Variants in REPS1 observed in about 807,000 individuals in gnomAD.
REPS1 encodes ralBP1-associated Eps domain-containing protein 1.
Under a neutral mutation model 100.9 loss-of-function variants are expected in REPS1, and 39 were observed. That is an observed-to-expected ratio of 0.39 (90% confidence interval 0.30 to 0.50). The LOEUF (loss-of-function observed/expected upper bound fraction) is 0.50. Among genes scored for constraint, REPS1 ranks in the 20% least tolerant of loss-of-function variants. REPS1 has a pLI of 0.86. For synonymous variants in REPS1, 324 were observed against 340.3 expected (o/e 0.95, Z 0.53); for missense variants, 821 against 968.5 (o/e 0.85, Z 2.02).
chr6:138,953,086 C>T (rs915504787), intron 1 of REPS1, among the ~76,000 whole-genome samples: 5 of 152,104 alleles, frequency 3.3e-5, no homozygotes, highest in Admixed American at 6.6e-5. Context: ...ATCTGCCCGC[C>T]TCAGCCTCCC....
chr6:138,917,083 C>G (rs1209228222), intron 13 of REPS1, among the ~76,000 whole-genome samples: 1 of 152,152 alleles, frequency 6.6e-6, no homozygotes, highest in Non-Finnish European at 1.5e-5. Context: ...TGGTAAAGCC[C>G]TTGCAGACAA....
intron 1 of REPS1, among the ~76,000 whole-genome samples, chr6:138,983,718 T>C (rs573243670): frequency 7.3e-4 from 111 of 152,282 alleles, no homozygotes; most frequent in Admixed American, 1.8e-3. Context: ...GGTCCTGATA[T>C]GTATGTGCAT....
At chr6:138,916,629 A>G (rs1780418349) in intron 13 of REPS1, among the ~76,000 whole-genome samples, 1 of 152,210 alleles carries the variant, frequency 6.6e-6, no homozygotes, top group African/African-American at 2.4e-5. Context: ...ATAATTGTAT[A>G]AAGGAAAGTC....
At chr6:138,957,978 G>A (rs539978424) in intron 1 of REPS1, among the ~76,000 whole-genome samples, 6 of 152,244 alleles carry the variant, frequency 3.9e-5, no homozygotes, top group African/African-American at 1.4e-4. Context: ...CTAAGAAACC[G>A]AGTGGGAGAA....
At chr6:138,938,952 A>G (rs11961859) in intron 8 of REPS1, among the ~76,000 whole-genome samples, 13,296 of 151,554 alleles carry the variant, frequency 0.088, 1,217 homozygotes, top group African/African-American at 0.23. Context: ...GGTTCAAGCA[A>G]TTCTCCTGCC....
rs745760029 is a variant in REPS1 at position 138,914,778 on chromosome 6, GTTC to G, written c.1721-20_1721-18del. Reference sequence around the variant, plus strand: ...GTTGTTGTCCTGCATGAATACAAAAGTTCTTCTTTTTAGTAACTGTATAATCAC... The same window carrying G: ...GTTGTTGTCCTGCATGAATACAAAAGTTCTTTTTAGTAACTGTATAATCAC... On this transcript the variant is annotated intron_variant, in intron 14 of 19. Coordinates refer to ENST00000450536, the MANE Select transcript of REPS1 (RefSeq NM_001286611.2). The G allele has an allele frequency of 8.7e-6, 14 of 1,606,120 alleles. No homozygotes were observed. Among genetic ancestry groups the G allele is most frequent in the African/African-American group, 1.3e-5 (1 of 74,448 alleles).
At chr6:138,932,287 A>G (rs543606411) in intron 8 of REPS1, among the ~76,000 whole-genome samples, 1 of 119,338 alleles carries the variant, frequency 8.4e-6, no homozygotes, top group African/African-American at 3.0e-5. Context: ...TGTAGACCTC[A>G]AACTGTGGAC....
intron 7 of REPS1, 60 bp from the exon 8 acceptor site, chr6:138,941,549 A>C: frequency 6.8e-7 from 1 of 1,465,444 alleles, no homozygotes; most frequent in Non-Finnish European, 9.4e-7. Flanking sequence ...TTTATTTCTC[A>C]AAAAGAAGCA....
At chr6:138,918,769 C>T (rs1056415699) in intron 12 of REPS1, among the ~76,000 whole-genome samples, 5 of 152,094 alleles carry the variant, frequency 3.3e-5, no homozygotes, top group Non-Finnish European at 4.4e-5. Context: ...GCTTTTTCTG[C>T]AGAGGAAACA....
chr6:138,929,929 C>T (rs759502418), intron 9 of REPS1, 48 bp downstream of exon 9: 2 of 1,601,458 alleles, frequency 1.2e-6, no homozygotes, highest in East Asian at 4.5e-5. Flanking sequence ...GAACATCTTA[C>T]CTTAAAAGAG....
At chr6:138,987,417 C>T in intron 1 of REPS1, 113 bp downstream of exon 1, 3 of 1,163,134 alleles carry the variant, frequency 2.6e-6, no homozygotes, top group East Asian at 5.8e-5. Context: ...CTGCGGGGAC[C>T]CCCCGAGGAA....
chr6:138,987,496 T>G (rs1303671019), intron 1 of REPS1, 34 bp downstream of exon 1: 1 of 1,533,478 alleles, frequency 6.5e-7, no homozygotes, highest in Non-Finnish European at 8.8e-7. Context: ...ACTGCAGGCC[T>G]AAGCCGCCCG....
At chr6:138,906,003 C>G (rs1412362471) in intron 19 of REPS1, among the ~76,000 whole-genome samples, 3 of 152,304 alleles carry the variant, frequency 2.0e-5, no homozygotes, top group African/African-American at 7.2e-5. Context: ...TACCTTACTT[C>G]CCATTTTCTG....
intron 8 of REPS1, among the ~76,000 whole-genome samples, chr6:138,930,696 T>C (rs1214998117): frequency 6.6e-6 from 1 of 152,128 alleles, no homozygotes. Context: ...TTCACTCATA[T>C]ATCCTCTACA....
intron 1 of REPS1, among the ~76,000 whole-genome samples, chr6:138,967,632 A>G (rs1371704333): frequency 1.3e-5 from 2 of 152,142 alleles, no homozygotes; most frequent in East Asian, 1.9e-4. Context: ...CCTATTTACC[A>G]TAATCCCAGT....
rs1162331660 is a variant in REPS1, at chr6:138,947,783, T to C, written c.277+7A>G. ...TTCTTTCGGTTACTAGTGTACTCTA[T>C]ATTTACCTGTATTTATACTTTCCAC... is the stretch of plus-strand genomic sequence containing the variant. On this transcript the variant is annotated splice_region_variant and intron_variant, in intron 2 of 19. Coordinates refer to ENST00000450536, the MANE Select transcript of REPS1 (RefSeq NM_001286611.2). 3.8e-6 allele frequency: 6 copies of C among 1,588,508 alleles called. No homozygotes were observed. The highest frequency in any genetic ancestry group is 2.3e-5 in the East Asian group (1 of 44,242).
chr6:138,938,434 C>G (rs1782002789), intron 8 of REPS1, among the ~76,000 whole-genome samples: 1 of 152,128 alleles, frequency 6.6e-6, no homozygotes. Context: ...GTTCCAACAT[C>G]ATAAACCTAG....
At chr6:138,974,889 C>T (rs954043593) in intron 1 of REPS1, among the ~76,000 whole-genome samples, 2 of 151,922 alleles carry the variant, frequency 1.3e-5, no homozygotes, top group African/African-American at 4.8e-5. Flanking sequence ...ACCTGGGAAG[C>T]TGAGATGGGA....
intron 1 of REPS1, among the ~76,000 whole-genome samples, chr6:138,970,738 G>A (rs1034799306): frequency 2.0e-5 from 3 of 152,166 alleles, no homozygotes; most frequent in Non-Finnish European, 4.4e-5. Flanking sequence ...AACCAAGATC[G>A]TGCCATTGCA....
Sources: gnomAD v4.1 joint callset for allele counts (sites outside exome capture counted in the v4.1 genomes callset) on GRCh38, gnomAD v4.1.1 for gene constraint, MANE v1.5 for transcripts, NCBI Gene and HGNC (gene_info 2026-07-23, HGNC 2026-07-21) for gene names.